Variants in SLCO5A1 observed in about 807,000 individuals in gnomAD.
SLCO5A1 encodes the protein solute carrier organic anion transporter family member 5A1.
A neutral mutation model predicts 65.1 loss-of-function variants in SLCO5A1; 39 were observed. That is an observed-to-expected ratio of 0.60 (90% CI 0.46 to 0.78). The LOEUF is 0.78. Among genes scored for constraint, SLCO5A1 ranks in the 30% least tolerant of loss-of-function variants. The pLI is 0.00. For synonymous variants in SLCO5A1, 438 were observed against 415.7 expected, an observed-to-expected ratio of 1.05 and a Z score of -0.65; for missense variants, 1,029 against 1,069.4, an observed-to-expected ratio of 0.96 and a Z score of 0.53.
intron 2 of SLCO5A1, among the ~76,000 whole-genome samples, chr8:69,771,908 C>T (rs755023932): frequency 1.8e-4 from 27 of 152,184 alleles, no homozygotes; most frequent in Non-Finnish European, 2.2e-4. Flanking sequence ...GACACTAAGA[C>T]GAGCCAGAGG....
At chr8:69,820,519 A>G (rs1820585950) in intron 2 of SLCO5A1, among the ~76,000 whole-genome samples, 1 of 152,180 alleles carries the variant, frequency 6.6e-6, no homozygotes, top group Non-Finnish European at 1.5e-5. Flanking sequence ...TCTATACAAC[A>G]TTGCAGAAAT....
chr8:69,682,784 T>A (rs2933076), intron 6 of SLCO5A1, among the ~76,000 whole-genome samples: 94,237 of 152,070 alleles, frequency 0.62, 30,508 homozygotes, highest in African/African-American at 0.82. Flanking sequence ...ACATGATCAC[T>A]GTTAAAATCC....
At chr8:69,819,672 C>G (rs572621699) in intron 2 of SLCO5A1, among the ~76,000 whole-genome samples, 5 of 152,260 alleles carry the variant, frequency 3.3e-5, no homozygotes, top group African/African-American at 4.8e-5. Context: ...CAGAAAAAAA[C>G]AGTTCTGGGC....
chr8:69,819,117 T>C (rs1243068474), intron 2 of SLCO5A1, among the ~76,000 whole-genome samples: 1 of 152,162 alleles, frequency 6.6e-6, no homozygotes, highest in Non-Finnish European at 1.5e-5. Context: ...AGGCAATGTG[T>C]ATTCCCACTC....
At chr8:69,784,860 A>AAAGAAAGAAAGAAAGAAAGG (rs1445436513) in intron 2 of SLCO5A1, among the ~76,000 whole-genome samples, 25 of 141,078 alleles carry the variant, frequency 1.8e-4, no homozygotes, top group African/African-American at 6.1e-4. Flanking sequence ...AGAAAGAAAG[A>AAAGAAAGAAAGAAAGAAAGG]AAGGGAAGGA....
At chr8:69,760,315 C>G (rs1256799042) in intron 3 of SLCO5A1, among the ~76,000 whole-genome samples, 1 of 152,162 alleles carries the variant, frequency 6.6e-6, no homozygotes, top group Non-Finnish European at 1.5e-5. Flanking sequence ...AGGGGAACTC[C>G]TTTCTGTATG....
At chr8:69,693,016 T>A (rs1019504098) in intron 6 of SLCO5A1, among the ~76,000 whole-genome samples, 1 of 152,194 alleles carries the variant, frequency 6.6e-6, no homozygotes, top group Non-Finnish European at 1.5e-5. Context: ...GCACAGTAGG[T>A]TTCTTTACAC....
intron 3 of SLCO5A1, among the ~76,000 whole-genome samples, chr8:69,760,149 G>A (rs1216974563): frequency 6.6e-6 from 1 of 152,096 alleles, no homozygotes; most frequent in East Asian, 1.9e-4. Context: ...AACATATGCT[G>A]GATGTTCATA....
intron 2 of SLCO5A1, among the ~76,000 whole-genome samples, chr8:69,767,349 A>T (rs934964258): frequency 1.1e-4 from 16 of 152,228 alleles, no homozygotes; most frequent in African/African-American, 3.9e-4. Context: ...CATCCTTGAC[A>T]GCAGGAATCA....
intron 4 of SLCO5A1, among the ~76,000 whole-genome samples, chr8:69,748,050 AG>A (rs1263880252): frequency 6.6e-6 from 1 of 152,146 alleles, no homozygotes; most frequent in Non-Finnish European, 1.5e-5. Context: ...CCCAATCATA[AG>A]GCCCCATGAA....
intron 1 of SLCO5A1, 68 bp downstream of exon 1, chr8:69,834,786 C>T (rs991558438): frequency 1.2e-3 from 149 of 120,728 alleles, no homozygotes; most frequent in Non-Finnish European, 2.6e-3. Flanking sequence ...ACACAGAGCC[C>T]GTGGGAAGAC....
chr8:69,683,842 G>A (rs962382268), intron 6 of SLCO5A1, among the ~76,000 whole-genome samples: 22 of 152,136 alleles, frequency 1.4e-4, no homozygotes, highest in African/African-American at 2.2e-4. Flanking sequence ...GATTACAAGC[G>A]TGAGCAACCA....
At chr8:69,831,009 C>T (rs904589629) in intron 2 of SLCO5A1, among the ~76,000 whole-genome samples, 5 of 152,136 alleles carry the variant, frequency 3.3e-5, no homozygotes, top group African/African-American at 9.7e-5. Context: ...ATAAGAAAAA[C>T]AGGTATGAAT....
intron 6 of SLCO5A1, among the ~76,000 whole-genome samples, chr8:69,687,551 T>A (rs1299703337): frequency 6.6e-6 from 1 of 152,230 alleles, no homozygotes; most frequent in Non-Finnish European, 1.5e-5. Flanking sequence ...GTCACTTATA[T>A]GGCTTTTCAA....
chr8:69,681,150 T>C (rs991384757), intron 7 of SLCO5A1, among the ~76,000 whole-genome samples: 9 of 152,294 alleles, frequency 5.9e-5, no homozygotes, highest in Non-Finnish European at 8.8e-5. Context: ...AGTTTAAAAC[T>C]CAGACATCAA....
chr8:69,824,954 G>C (rs1021805748), intron 2 of SLCO5A1, among the ~76,000 whole-genome samples: 3 of 152,172 alleles, frequency 2.0e-5, no homozygotes, highest in African/African-American at 7.2e-5. Flanking sequence ...TCATCCCTGG[G>C]ATGCAAGGCT....
At position 69,669,307 on chromosome 8, in the gene SLCO5A1, C is replaced by T. The variant is rs531080725; in HGVS notation, c.*3562G>A. ...AAAAAACCTCTCTACTCTTCATAAA[C>T]GGTAATATATCAAAAAATTGAAATG... is the stretch of plus-strand genomic sequence containing the variant. On this transcript the variant is annotated 3_prime_UTR_variant, in exon 10 of 10. Transcript: ENST00000260126. 39 of 152,058 alleles carry T rather than the reference C, an allele frequency of 2.6e-4. No individual in the cohort carries two copies. Among genetic ancestry groups the T allele is most frequent in the Non-Finnish European group, 4.1e-4 (28 of 67,994 alleles). The allele number at this position is 152,058 out of a possible 1,614,324, so 9.4% of individuals were successfully genotyped here. A position where few individuals can be genotyped will look rare whatever the true frequency, so the allele number is the denominator to read the frequency against.
chr8:69,794,287 T>A, intron 2 of SLCO5A1: 1 of 478,148 alleles, frequency 2.1e-6, no homozygotes, highest in Admixed American at 2.1e-5. Context: ...TGGGGAGAAG[T>A]TCTTGAGGTT....
intron 5 of SLCO5A1, among the ~76,000 whole-genome samples, chr8:69,720,804 A>G (rs1815783358): frequency 6.6e-6 from 1 of 152,190 alleles, no homozygotes; most frequent in Non-Finnish European, 1.5e-5. Context: ...TTCCTAAAGC[A>G]AGAGTTGACA....
Sources: allele counts gnomAD v4.1 joint callset (sites outside exome capture counted in the v4.1 genomes callset), GRCh38; gene constraint gnomAD v4.1.1; transcripts MANE v1.5; gene names NCBI Gene and HGNC (gene_info 2026-07-23, HGNC 2026-07-21).